CSMD1: variants seen among roughly 807,000 people sequenced by gnomAD.
CSMD1 encodes CUB and sushi domain-containing protein 1.
A neutral mutation model predicts 417.5 loss-of-function variants in CSMD1; 213 were observed. The ratio of observed to expected loss-of-function variants is 0.51; its 90% CI spans 0.46 to 0.57. The LOEUF (loss-of-function observed/expected upper bound fraction) is 0.57. CSMD1 is among the 20% of genes least tolerant of loss of function. CSMD1 has a pLI of 0.00. For missense variants in CSMD1, 6,923 were observed against 4,529.7 expected, an observed-to-expected ratio of 1.53 and a Z score of -15.17; for synonymous variants, 2,862 against 1,736.8, an observed-to-expected ratio of 1.65 and a Z score of -16.11.
At chr8:3,347,225 G>C (rs945455644) in intron 22 of CSMD1, among the ~76,000 whole-genome samples, 4 of 152,224 alleles carry the variant, frequency 2.6e-5, no homozygotes, top group African/African-American at 9.6e-5. Flanking sequence ...GTTTCTTGAA[G>C]CTTTTCCTTT....
chr8:3,015,338 G>A (rs1585153372), intron 52 of CSMD1, among the ~76,000 whole-genome samples: 1 of 152,044 alleles, frequency 6.6e-6, no homozygotes, highest in South Asian at 2.1e-4. Context: ...AGAAAATCTG[G>A]TATAGCTGTC....
At chr8:4,433,544 C>G (rs905064266) in intron 2 of CSMD1, among the ~76,000 whole-genome samples, 7 of 152,140 alleles carry the variant, frequency 4.6e-5, no homozygotes, top group African/African-American at 1.7e-4. Context: ...CAAGAAAAAC[C>G]TTGTGGAAGC....
chr8:3,731,193 C>G (rs1309445443), intron 6 of CSMD1, among the ~76,000 whole-genome samples: 1 of 152,142 alleles, frequency 6.6e-6, no homozygotes, highest in Non-Finnish European at 1.5e-5. Context: ...AACCTCTTAC[C>G]CATTAAGCAG....
chr8:3,522,360 G>C (rs371931827), intron 10 of CSMD1, among the ~76,000 whole-genome samples: 1 of 152,188 alleles, frequency 6.6e-6, no homozygotes, highest in Admixed American at 6.5e-5. Context: ...TTAAAGGAAT[G>C]TATGTCAGGA....
At chr8:3,432,234 A>G (rs1171348104) in intron 12 of CSMD1, among the ~76,000 whole-genome samples, 1 of 152,176 alleles carries the variant, frequency 6.6e-6, no homozygotes, top group Non-Finnish European at 1.5e-5. Flanking sequence ...TGGAAAAATA[A>G]AACACCTTTT....
intron 5 of CSMD1, among the ~76,000 whole-genome samples, chr8:3,781,020 T>G (rs1799150206): frequency 6.6e-6 from 1 of 152,146 alleles, no homozygotes; most frequent in African/African-American, 2.4e-5. Context: ...AATAAAGTAT[T>G]TCGTAGGGGA....
chr8:4,936,852 A>G (rs901845705), intron 1 of CSMD1, among the ~76,000 whole-genome samples: 1 of 152,098 alleles, frequency 6.6e-6, no homozygotes, highest in Non-Finnish European at 1.5e-5. Context: ...TACATAAAAC[A>G]CTATTATTTT....
At chr8:4,222,795 G>C (rs374667723) in intron 3 of CSMD1, among the ~76,000 whole-genome samples, 7 of 152,082 alleles carry the variant, frequency 4.6e-5, no homozygotes, top group African/African-American at 1.2e-4. Context: ...TTAAGGGCTG[G>C]TTGAGCTGAC....
chr8:3,494,957 G>C (rs891823486), intron 10 of CSMD1, among the ~76,000 whole-genome samples: 2 of 152,058 alleles, frequency 1.3e-5, no homozygotes, highest in African/African-American at 4.8e-5. Flanking sequence ...CATTCCAACA[G>C]GCTCTAAACA....
chr8:4,706,847 G>C (rs778823725), intron 1 of CSMD1, among the ~76,000 whole-genome samples: 3 of 152,184 alleles, frequency 2.0e-5, no homozygotes, highest in Non-Finnish European at 2.9e-5. Context: ...GAGAGAATGG[G>C]GGAAACTTCT....
At position 3,744,832 on chromosome 8, in the gene CSMD1, C is replaced by A. The variant is rs375828426; in HGVS notation, c.931+9098G>T. The stretch of plus-strand genomic sequence containing the variant: ...TATTTTGTTTCATATATCTATGGAA[C>A]TGAACATTAAGTCTGATAAATGCTC... On this transcript the variant is annotated intron_variant, in intron 6 of 69. Coordinates refer to ENST00000635120, the MANE Select transcript of CSMD1 (RefSeq NM_033225.6). 3.3e-5 allele frequency among the ~76,000 whole-genome samples: 5 copies of A among 152,154 alleles called. No individual in the cohort carries two copies. In the East Asian group the frequency reaches 7.7e-4, roughly 23 times the overall value.
At chr8:4,475,891 G>T (rs1229027003) in intron 2 of CSMD1, among the ~76,000 whole-genome samples, 6 of 152,208 alleles carry the variant, frequency 3.9e-5, no homozygotes. Context: ...GGAATTACAG[G>T]CTTGAGCCAC....
At chr8:4,895,528 A>G (rs967584458) in intron 1 of CSMD1, among the ~76,000 whole-genome samples, 4 of 151,952 alleles carry the variant, frequency 2.6e-5, no homozygotes, top group Non-Finnish European at 5.9e-5. Context: ...ACAAATTTTA[A>G]AAGTCAAGGA....
At chr8:4,840,932 T>A (rs1484916379) in intron 1 of CSMD1, among the ~76,000 whole-genome samples, 1 of 152,216 alleles carries the variant, frequency 6.6e-6, no homozygotes, top group African/African-American at 2.4e-5. Flanking sequence ...AATACAAATA[T>A]CCCTAATCTA....
chr8:4,383,235 G>A (rs767146317), intron 3 of CSMD1, among the ~76,000 whole-genome samples: 3 of 152,198 alleles, frequency 2.0e-5, no homozygotes, highest in Non-Finnish European at 4.4e-5. Context: ...GGTTTTGGAA[G>A]TAGATTCTGA....
chr8:3,991,876 A>AG (rs1814776665), intron 5 of CSMD1, among the ~76,000 whole-genome samples: 1 of 152,180 alleles, frequency 6.6e-6, no homozygotes, highest in Non-Finnish European at 1.5e-5. Context: ...TTTCTCATCT[A>AG]TAAAATGGGA....
chr8:4,500,086 A>G lies in CSMD1; in HGVS notation c.303-80021T>C, dbSNP rs566431202. Among the ~76,000 whole-genome samples, 226 of 48,540 alleles carry G rather than the reference A, an allele frequency of 4.7e-3. 2 individuals are homozygous for G. The highest frequency in any genetic ancestry group is 0.015 in the African/African-American group (214 of 14,734). The allele number at this position is 48,540 out of a possible 152,430, so 31.8% of individuals were successfully genotyped here. A position where few individuals can be genotyped will look rare whatever the true frequency, so the allele number is the denominator to read the frequency against. ...TACAATGTGTCTGAAGAGAAGTTAT[A>G]CTAGGTGAAAAGGTATAAAGAGGCT... On this transcript the variant is annotated intron_variant, in intron 2 of 69. Transcript: ENST00000635120.
rs558388905 is a variant in CSMD1, at chr8:4,225,733, G to A, written c.416-193634C>T. On this transcript the variant is annotated intron_variant, in intron 3 of 69. Transcript: ENST00000635120. ...TCCTGACAAATTGCCACAACATGGC[G>A]GCTTCTGAGTAAAGGTTTCAATGGG... Among the ~76,000 whole-genome samples the A allele has an allele frequency of 5.3e-5, 8 of 152,104 alleles. No homozygotes were observed. In the South Asian group the frequency reaches 6.2e-4, roughly 12 times the overall value.
chr8:3,515,586 T>C (rs575896605), intron 10 of CSMD1, among the ~76,000 whole-genome samples: 4 of 152,314 alleles, frequency 2.6e-5, no homozygotes, highest in East Asian at 1.9e-4. Context: ...AAGTTTAGAA[T>C]GTTTCCAACA....
Sources: gnomAD v4.1 joint callset for allele counts (sites outside exome capture counted in the v4.1 genomes callset) on GRCh38, gnomAD v4.1.1 for gene constraint, MANE v1.5 for transcripts, NCBI Gene and HGNC (gene_info 2026-07-23, HGNC 2026-07-21) for gene names.